FBXW4: variants seen among roughly 807,000 people sequenced by gnomAD.
FBXW4 encodes the protein F-box and WD repeat domain containing 4, also known as F-box/WD repeat-containing protein 4.
FBXW4 carries 40 observed loss-of-function variants against 61.8 expected under a neutral mutation model. The ratio of observed to expected loss-of-function variants is 0.65; its 90% CI spans 0.50 to 0.84. FBXW4 has a LOEUF of 0.84. Among genes scored for constraint, FBXW4 ranks in the 40% least tolerant of loss-of-function variants. The pLI is 0.00. For missense variants in FBXW4, 672 were observed against 753.8 expected (o/e 0.89, Z 1.27); for synonymous variants, 311 against 313.8 (o/e 0.99, Z 0.10).
intron 5 of FBXW4, among the ~76,000 whole-genome samples, chr10:101,648,506 G>A (rs925192543): frequency 4.6e-5 from 7 of 152,114 alleles, no homozygotes; most frequent in African/African-American, 2.4e-5. Context: ...CATGAGCTCC[G>A]GGGCTGCAGC....
intron 5 of FBXW4, among the ~76,000 whole-genome samples, chr10:101,645,241 C>A (rs2064086326): frequency 6.6e-6 from 1 of 152,202 alleles, no homozygotes; most frequent in South Asian, 2.1e-4. Flanking sequence ...CCCTGACACC[C>A]CTGCGGCATG....
At position 101,694,987 on chromosome 10, in the gene FBXW4, T is replaced by G; in HGVS notation, c.119A>C (p.Lys40Thr). 1.3e-5 allele frequency: 15 copies of G among 1,123,382 alleles called. No individual in the cohort carries two copies. Among genetic ancestry groups the G allele is most frequent in the Admixed American group, 5.0e-5 (1 of 20,198 alleles). The allele number at this position is 1,123,382 out of a possible 1,614,324, so 69.6% of individuals were successfully genotyped here. A position where few individuals can be genotyped will look rare whatever the true frequency, so the allele number is the denominator to read the frequency against. Residue 40 changes from lysine (K) to threonine (T), a missense_variant, in exon 1 of 9, where the codon AAG (lysine) becomes ACG (threonine). Lys to Thr is a moderately conservative substitution (Grantham distance 78). Around this residue, in one of 5 missense-constraint regions of FBXW4, gnomAD observed 38 missense variants for 43.3 expected, o/e 0.88. Transcript: ENST00000331272. This position sits in a 1 kb window ranked among gnomAD's most constrained non-coding sequence, Gnocchi z 6.0. ...RVARGKRRKG[K>T]GKGKARAGQG... ...CCCCGCTCTCGCTTTTCCCTTCCCCTTCCCCTTCCTTCGCTTCCCCCTCGC... is the reference window on the plus strand; with the variant it reads ...CCCCGCTCTCGCTTTTCCCTTCCCCGTCCCCTTCCTTCGCTTCCCCCTCGC...
chr10:101,655,659 G>A (rs1283289093), intron 5 of FBXW4, among the ~76,000 whole-genome samples: 1 of 152,136 alleles, frequency 6.6e-6, no homozygotes, highest in African/African-American at 2.4e-5. Context: ...GACAGCTAAA[G>A]CTGCAGCTGC....
At position 101,672,901 on chromosome 10, in the gene FBXW4, G is replaced by A. The variant is rs1276665202; in HGVS notation, c.1140+14C>T. The A allele has an allele frequency of 1.9e-6, 3 of 1,613,532 alleles. No homozygotes were observed. The highest frequency in any genetic ancestry group is 2.5e-6 in the Non-Finnish European group (3 of 1,179,728). On this transcript the variant is annotated intron_variant, in intron 4 of 8. Coordinates refer to ENST00000331272, the MANE Select transcript of FBXW4 (RefSeq NM_022039.4). ...AGGAGGGAGTAATAGTATGTAAGGG[G>A]GAGACCACCTCACCTTGGCCGTCCT...
intron 5 of FBXW4, among the ~76,000 whole-genome samples, chr10:101,659,247 T>C (rs921139886): frequency 6.6e-6 from 1 of 152,140 alleles, no homozygotes; most frequent in Non-Finnish European, 1.5e-5. Context: ...CCCCAGGGCA[T>C]GAGGGTGTCC....
chr10:101,627,288 G>A (rs2063915241), intron 5 of FBXW4, among the ~76,000 whole-genome samples: 1 of 151,972 alleles, frequency 6.6e-6, no homozygotes, highest in Non-Finnish European at 1.5e-5. Context: ...ATGAATCAAG[G>A]AGAAAAAAGA....
At chr10:101,651,606 C>G (rs527529856) in intron 5 of FBXW4, among the ~76,000 whole-genome samples, 2 of 152,196 alleles carry the variant, frequency 1.3e-5, no homozygotes, top group African/African-American at 4.8e-5. Context: ...TCTCTGCCCC[C>G]CTCCTTCCCT....
intron 5 of FBXW4, among the ~76,000 whole-genome samples, chr10:101,659,766 A>G (rs1452141823): frequency 1.3e-5 from 2 of 152,258 alleles, no homozygotes; most frequent in African/African-American, 4.8e-5. Context: ...CCAACAAGGT[A>G]CATGCAGAGC....
chr10:101,682,718 C>T (rs1455917442), intron 1 of FBXW4, among the ~76,000 whole-genome samples: 1 of 152,018 alleles, frequency 6.6e-6, no homozygotes, highest in East Asian at 1.9e-4. Flanking sequence ...GATCATAGCA[C>T]CAAGAAACTT....
At chr10:101,618,031 A>G (rs570771225) in intron 6 of FBXW4, among the ~76,000 whole-genome samples, 1 of 152,354 alleles carries the variant, frequency 6.6e-6, no homozygotes, top group Admixed American at 6.5e-5. Context: ...AGGGCAGACA[A>G]AGCCACACCT....
chr10:101,625,016 A>G (rs2063896798), intron 5 of FBXW4: 4 of 622,384 alleles, frequency 6.4e-6, no homozygotes, highest in Non-Finnish European at 8.6e-6. Flanking sequence ...GTGCCTGGCC[A>G]GAAGACCCAC....
intron 5 of FBXW4, among the ~76,000 whole-genome samples, chr10:101,656,444 AAG>A (rs2064186019): frequency 6.6e-6 from 1 of 152,204 alleles, no homozygotes; most frequent in African/African-American, 2.4e-5. Flanking sequence ...CGCTGATCTT[AAG>A]AGAGAACACA....
chr10:101,678,988 C>T (rs2064445354), intron 1 of FBXW4, among the ~76,000 whole-genome samples: 1 of 152,190 alleles, frequency 6.6e-6, no homozygotes, highest in African/African-American at 2.4e-5. Flanking sequence ...AAAACACACA[C>T]ACACAGATAG....
chr10:101,611,659 A>G lies in FBXW4; in HGVS notation c.1553T>C (p.Leu518Pro). The G allele has an allele frequency of 2.5e-6, 4 of 1,614,248 alleles. No individual in the cohort carries two copies. The highest frequency in any genetic ancestry group is 2.5e-6 in the Non-Finnish European group (3 of 1,180,040). Residue 518 changes from leucine (L) to proline (P), a missense_variant, in exon 8 of 9, where the codon CTG (leucine) becomes CCG (proline). Coordinates refer to ENST00000331272, the MANE Select transcript of FBXW4 (RefSeq NM_022039.4). This position sits in a 1 kb window ranked among gnomAD's most constrained non-coding sequence, Gnocchi z 4.9. ...GCAGGCCCTTTGACGCCGGTCCCAC[A>G]GCCGTACAACACCGTAGTAGGAGGA... ...TGSSYYGVVR[L>P]WDRRQRACLH... is the part of the protein sequence containing the mutation.
At chr10:101,675,275 C>T (rs1285581350) in intron 2 of FBXW4, among the ~76,000 whole-genome samples, 1 of 152,106 alleles carries the variant, frequency 6.6e-6, no homozygotes, top group Non-Finnish European at 1.5e-5. Flanking sequence ...CTCAAGTAGG[C>T]AGCAAACAGA....
intron 5 of FBXW4, among the ~76,000 whole-genome samples, chr10:101,629,029 G>A (rs1265698507): frequency 6.6e-6 from 1 of 152,126 alleles, no homozygotes; most frequent in Non-Finnish European, 1.5e-5. Context: ...AAGATGCCAG[G>A]GAGTTAGAGT....
At chr10:101,614,066 G>A (rs2063808791) in intron 6 of FBXW4, among the ~76,000 whole-genome samples, 1 of 152,238 alleles carries the variant, frequency 6.6e-6, no homozygotes. Context: ...CAGCCACCCT[G>A]GGCAGGCCAG....
chr10:101,613,742 T>C (rs1316979497), intron 6 of FBXW4, among the ~76,000 whole-genome samples: 1 of 152,158 alleles, frequency 6.6e-6, no homozygotes, highest in East Asian at 1.9e-4. Flanking sequence ...GACTGGGGGT[T>C]CCTTTCTGCC....
At position 101,624,817 on chromosome 10, in the gene FBXW4, A is replaced by G; in HGVS notation, c.1236-7T>C. 6.2e-7 allele frequency: 1 copy of G among 1,614,254 alleles called. No individual in the cohort carries two copies. The highest frequency in any genetic ancestry group is 2.2e-5 in the East Asian group (1 of 44,886). The stretch of plus-strand genomic sequence containing the variant: ...CGTCCCTGTCACAAAAGAGCTGCCA[A>G]ACAAAAGGAGAACAAAGTCAGATCT... On this transcript the variant is annotated splice_region_variant and splice_polypyrimidine_tract_variant and intron_variant, in intron 5 of 8. Coordinates refer to ENST00000331272, the MANE Select transcript of FBXW4 (RefSeq NM_022039.4).
Sources: allele counts gnomAD v4.1 joint callset (sites outside exome capture counted in the v4.1 genomes callset), GRCh38; gene constraint gnomAD v4.1.1; regional missense constraint gnomAD v4.1.1; non-coding constraint Gnocchi (gnomAD v3.1); transcripts MANE v1.5; gene names NCBI Gene and HGNC (gene_info 2026-07-23, HGNC 2026-07-21).